B3GAT2: variants seen among roughly 807,000 people sequenced by gnomAD.
B3GAT2 encodes galactosylgalactosylxylosylprotein 3-beta-glucuronosyltransferase 2.
B3GAT2 carries 26 observed loss-of-function variants against 27.8 expected under a neutral mutation model. The observed-to-expected ratio is 0.93, with a 90% CI of 0.68 to 1.30. B3GAT2 has a LOEUF of 1.30. Ranked by LOEUF, B3GAT2 falls within the 50% of genes most tolerant of loss-of-function variation. The pLI, the probability that B3GAT2 is intolerant of heterozygous loss-of-function variation, is 0.00. For missense variants in B3GAT2, 458 were observed against 459.0 expected (o/e 1.00, Z 0.02); for synonymous variants, 218 against 195.1 (o/e 1.12, Z -0.98).
chr6:70,875,274 C>CT (rs1208965706), intron 2 of B3GAT2, among the ~76,000 whole-genome samples: 2 of 151,990 alleles, frequency 1.3e-5, no homozygotes, highest in Admixed American at 6.6e-5. Flanking sequence ...TACTTAACTA[C>CT]TTTTTTTTCC....
At chr6:70,930,138 T>C (rs1246038490) in intron 1 of B3GAT2, among the ~76,000 whole-genome samples, 1 of 152,170 alleles carries the variant, frequency 6.6e-6, no homozygotes, top group Non-Finnish European at 1.5e-5. Context: ...TGGCTAACCA[T>C]ATGTAGAAAG....
chr6:70,936,960 C>A (rs1765291832), intron 1 of B3GAT2, among the ~76,000 whole-genome samples: 1 of 151,684 alleles, frequency 6.6e-6, no homozygotes, highest in Non-Finnish European at 1.5e-5. Flanking sequence ...TTAATGAATC[C>A]AGGAGCTGGT....
chr6:70,914,291 C>A (rs1045890676), intron 1 of B3GAT2, among the ~76,000 whole-genome samples: 1 of 152,128 alleles, frequency 6.6e-6, no homozygotes, highest in Non-Finnish European at 1.5e-5. Flanking sequence ...CAGTCCCCCA[C>A]CCTCTGACAG....
At chr6:70,949,818 T>C (rs956918910) in intron 1 of B3GAT2, among the ~76,000 whole-genome samples, 47 of 151,546 alleles carry the variant, frequency 3.1e-4, no homozygotes, top group Admixed American at 1.1e-3. Flanking sequence ...TGTCCAACAA[T>C]GATAGACTGG....
chr6:70,945,099 T>G (rs1337491704), intron 1 of B3GAT2, among the ~76,000 whole-genome samples: 1 of 151,820 alleles, frequency 6.6e-6, no homozygotes, highest in African/African-American at 2.4e-5. Flanking sequence ...AGACCAAAAG[T>G]AGATAAAACC....
intron 1 of B3GAT2, among the ~76,000 whole-genome samples, chr6:70,955,175 C>CAAAA (rs568676062): frequency 9.3e-4 from 122 of 131,798 alleles, no homozygotes; most frequent in African/African-American, 2.3e-3. Flanking sequence ...GGTTTTCTTG[C>CAAAA]AAAAAAAAAA....
Position 70,948,013 on chromosome 6 carries a change from T to C in B3GAT2, c.591+7826A>G, listed in dbSNP as rs1765520451. On this transcript the variant is annotated intron_variant, in intron 1 of 3. Transcript: ENST00000230053. Reference sequence around the variant, plus strand: ...TATCTTAATAGATGCAGAAAAGGCCTTTGACAAAATTCAACAACCCTTCAT... The same window carrying C: ...TATCTTAATAGATGCAGAAAAGGCCCTTGACAAAATTCAACAACCCTTCAT... 2.6e-5 allele frequency among the ~76,000 whole-genome samples: 4 copies of C among 152,146 alleles called. No homozygotes were observed. In the South Asian group the frequency reaches 8.3e-4, roughly 32 times the overall value.
At chr6:70,919,688 T>C (rs1772833989) in intron 1 of B3GAT2, among the ~76,000 whole-genome samples, 1 of 152,180 alleles carries the variant, frequency 6.6e-6, no homozygotes, top group Non-Finnish European at 1.5e-5. Flanking sequence ...TTGCTGGAGT[T>C]CCACTCCAGA....
chr6:70,878,434 C>T (rs2150025856), intron 2 of B3GAT2, among the ~76,000 whole-genome samples: 1 of 152,202 alleles, frequency 6.6e-6, no homozygotes, highest in East Asian at 1.9e-4. Flanking sequence ...TATTTTTGTC[C>T]TTGACTTCTG....
chr6:70,906,662 C>T (rs762460054), intron 1 of B3GAT2, among the ~76,000 whole-genome samples: 2 of 152,170 alleles, frequency 1.3e-5, no homozygotes, highest in Non-Finnish European at 2.9e-5. Flanking sequence ...GAGAAAAGCA[C>T]ACACTCCTAC....
intron 1 of B3GAT2, among the ~76,000 whole-genome samples, chr6:70,938,726 T>C (rs1448607146): frequency 6.6e-6 from 1 of 152,006 alleles, no homozygotes; most frequent in African/African-American, 2.4e-5. Context: ...ACTGGATCCC[T>C]TCCTTACACC....
At chr6:70,871,667 A>G (rs955667842) in intron 2 of B3GAT2, among the ~76,000 whole-genome samples, 3 of 151,868 alleles carry the variant, frequency 2.0e-5, no homozygotes, top group Non-Finnish European at 4.4e-5. Flanking sequence ...TGGTTTTTAA[A>G]AAACATTTTT....
intron 1 of B3GAT2, among the ~76,000 whole-genome samples, chr6:70,924,954 A>AG (rs1404081351): frequency 6.6e-6 from 1 of 152,212 alleles, no homozygotes; most frequent in African/African-American, 2.4e-5. Flanking sequence ...ATAGATCCTG[A>AG]GGTTGGCCTT....
intron 1 of B3GAT2, among the ~76,000 whole-genome samples, chr6:70,954,243 T>G (rs1366665228): frequency 6.6e-6 from 1 of 152,200 alleles, no homozygotes; most frequent in African/African-American, 2.4e-5. Flanking sequence ...GGGGGAGCAC[T>G]GATGCAGGAT....
At chr6:70,953,750 T>A (rs761021891) in intron 1 of B3GAT2, among the ~76,000 whole-genome samples, 30 of 152,342 alleles carry the variant, frequency 2.0e-4, no homozygotes, top group Non-Finnish European at 3.5e-4. Flanking sequence ...TACAAAAGTT[T>A]AGTGTCTTGA....
chr6:70,870,792 G>T (rs1215668151), intron 2 of B3GAT2, among the ~76,000 whole-genome samples: 1 of 152,062 alleles, frequency 6.6e-6, no homozygotes, highest in Non-Finnish European at 1.5e-5. Flanking sequence ...TATACAAATG[G>T]GTAGAGGGGT....
intron 2 of B3GAT2, among the ~76,000 whole-genome samples, chr6:70,880,145 G>A (rs1772078852): frequency 6.6e-6 from 1 of 152,048 alleles, no homozygotes; most frequent in South Asian, 2.1e-4. Flanking sequence ...GACTGGAGTG[G>A]TAAACCGGAC....
chr6:70,909,059 T>C (rs780278934), intron 1 of B3GAT2, among the ~76,000 whole-genome samples: 17 of 152,200 alleles, frequency 1.1e-4, no homozygotes, highest in Admixed American at 5.9e-4. Context: ...GACCAACCAT[T>C]ACTTAGGCCA....
At chr6:70,944,506 C>T (rs62421561) in intron 1 of B3GAT2, among the ~76,000 whole-genome samples, 1,915 of 152,288 alleles carry the variant, frequency 0.013, 22 homozygotes, top group Middle Eastern at 0.028. Context: ...AAGGCGGCAG[C>T]GAGGCTGGGG....
Sources: allele counts gnomAD v4.1 joint callset (sites outside exome capture counted in the v4.1 genomes callset), GRCh38; gene constraint gnomAD v4.1.1; transcripts MANE v1.5; gene names NCBI Gene and HGNC (gene_info 2026-07-23, HGNC 2026-07-21).